Variants in ATG16L2 observed in about 807,000 individuals in gnomAD.
The protein encoded by ATG16L2 is autophagy related 16 like 2.
ATG16L2 carries 77 observed loss-of-function variants against 84.7 expected under a neutral mutation model. The observed-to-expected ratio is 0.91, with a 90% confidence interval of 0.76 to 1.10. The LOEUF (loss-of-function observed/expected upper bound fraction) is 1.10, where lower values mean the gene tolerates loss of function less well. Among genes scored for constraint, ATG16L2 ranks in the 50% least tolerant of loss-of-function variants. The pLI is 0.00. For missense variants in ATG16L2, 782 were observed against 817.6 expected (o/e 0.96, Z 0.53); for synonymous variants, 361 against 342.8 (o/e 1.05, Z -0.59).
At chr11:72,827,604 T>G (rs1189546446) in intron 14 of ATG16L2, among the ~76,000 whole-genome samples, 1 of 152,224 alleles carries the variant, frequency 6.6e-6, no homozygotes, top group Non-Finnish European at 1.5e-5. Flanking sequence ...AGCTGTTTTT[T>G]AAACCAAAGA....
chr11:72,828,448 C>T lies in ATG16L2; in HGVS notation c.1562C>T (p.Ser521Phe), dbSNP rs781655286. 3.7e-6 allele frequency: 6 copies of T among 1,614,078 alleles called. No homozygotes were observed. Among genetic ancestry groups the T allele is most frequent in the South Asian group, 2.2e-5 (2 of 91,090 alleles). Reference sequence around the variant, plus strand: ...GACCAACTGCACCTGCTCAGCTGTTCCCGAGACAACACACTCAAGGTCATC... The same window carrying T: ...GACCAACTGCACCTGCTCAGCTGTTTCCGAGACAACACACTCAAGGTCATC... Reference protein sequence around the residue: ...SHDQLHLLSCSRDNTLKVIDL... With the variant: ...SHDQLHLLSCFRDNTLKVIDL... The change falls in exon 15 of 18, where the codon TCC becomes TTC. Residue 521 changes from serine to phenylalanine, a missense_variant. Physicochemically the swap from Ser to Phe is radical, Grantham distance 155 (BLOSUM62 -2). Coordinates refer to ENST00000321297, the MANE Select transcript of ATG16L2 (RefSeq NM_033388.2).
chr11:72,824,594 A>T, intron 8 of ATG16L2, 140 bp from the exon 9 acceptor site: 1 of 686,448 alleles, frequency 1.5e-6, no homozygotes, highest in Non-Finnish European at 2.6e-6. Flanking sequence ...GGGTTGGGGA[A>T]TGCTCTCGCT....
chr11:72,837,075 G>A (rs1283728347), intron 5 of ATG16L2: 1 of 152,154 alleles, frequency 6.6e-6, no homozygotes, highest in African/African-American at 2.4e-5. Context: ...TGGGTGGCAA[G>A]AACTGCTCTA....
chr11:72,821,814 G>A, intron 4 of ATG16L2, 73 bp downstream of exon 4: 1 of 1,500,378 alleles, frequency 6.7e-7, no homozygotes, highest in Non-Finnish European at 8.9e-7. Context: ...ACGGGAGGCG[G>A]GGGGAATGGC....
chr11:72,829,244 G>A, intron 17 of ATG16L2, 59 bp from the exon 18 acceptor site: 1 of 1,576,016 alleles, frequency 6.3e-7, no homozygotes, highest in Non-Finnish European at 8.7e-7. Context: ...TCGGGGCAGA[G>A]CCAGGTTGCA....
chr11:72,824,223 T>G, intron 8 of ATG16L2, 101 bp downstream of exon 8: 1 of 1,402,382 alleles, frequency 7.1e-7, no homozygotes, highest in Non-Finnish European at 1.0e-6. Flanking sequence ...CCCTGTGATG[T>G]GCAGCTGTCT....
chr11:72,841,410 T>G, intron 5 of ATG16L2: 1 of 1,541,838 alleles, frequency 6.5e-7, no homozygotes, highest in Non-Finnish European at 8.9e-7. Flanking sequence ...TGTAGGTTTC[T>G]GAAGTGAAAA....
intron 3 of ATG16L2, chr11:72,821,316 C>T: frequency 9.4e-7 from 1 of 1,066,936 alleles, no homozygotes; most frequent in Non-Finnish European, 1.1e-6. Context: ...CGCGAGGAGT[C>T]CTCGCAGTGG....
At chr11:72,827,412 T>A in intron 14 of ATG16L2, 119 bp downstream of exon 14, 1 of 809,638 alleles carries the variant, frequency 1.2e-6, no homozygotes, top group Non-Finnish European at 2.0e-6. Context: ...CAGGCAAGGC[T>A]GTGGGGCTGG....
At chr11:72,826,293 A>T in intron 11 of ATG16L2, 50 bp downstream of exon 11, 1 of 1,589,786 alleles carries the variant, frequency 6.3e-7, no homozygotes, top group Non-Finnish European at 8.6e-7. Flanking sequence ...TCTGATCTCC[A>T]CACTGGGCAG....
intron 4 of ATG16L2, 141 bp from the exon 5 acceptor site, chr11:72,821,903 G>A: frequency 7.0e-7 from 1 of 1,421,348 alleles, no homozygotes; most frequent in Admixed American, 2.7e-5. Flanking sequence ...CTCTGAGGGC[G>A]AAGGCTTGGG....
intron 3 of ATG16L2, chr11:72,821,156 G>A (rs1320199995): frequency 1.1e-6 from 1 of 940,126 alleles, no homozygotes; most frequent in African/African-American, 1.8e-5. Context: ...GTGACTTTGG[G>A]CAAGACACTT....
rs777416264 is a variant in ATG16L2, at chr11:72,822,976, G to T, written c.824+15G>T. The T allele has an allele frequency of 1.3e-6, 2 of 1,532,522 alleles. No individual in the cohort carries two copies. The highest frequency in any genetic ancestry group is 2.4e-5 in the East Asian group (1 of 41,510). 94.9% of individuals were successfully genotyped at this position (1,532,522 alleles called of 1,614,324 possible). A position where few individuals can be genotyped will look rare whatever the true frequency, so the allele number is the denominator to read the frequency against. ...AGGCCCTTCAGGTGAGGACCCAGGT[G>T]ACAGTCTCAGAGCTCTGAGCTGAGC... On this transcript the variant is annotated intron_variant, in intron 7 of 17. Transcript: ENST00000321297. The surrounding 1 kb of genome is among the most constrained non-coding windows in gnomAD (Gnocchi z 4.2).
At chr11:72,828,656 C>T in intron 15 of ATG16L2, 73 bp from the exon 16 acceptor site, 1 of 1,601,020 alleles carries the variant, frequency 6.2e-7, no homozygotes, top group Non-Finnish European at 8.5e-7. Context: ...AAAGAGGAAG[C>T]TCTGGAAGCT....
intron 15 of ATG16L2, 48 bp downstream of exon 15, chr11:72,828,556 G>A (rs187294169): frequency 6.0e-5 from 96 of 1,611,840 alleles, no homozygotes; most frequent in Non-Finnish European, 7.6e-5. Flanking sequence ...TGGGACAGCT[G>A]AGCCTCTCTT....
intron 5 of ATG16L2, among the ~76,000 whole-genome samples, chr11:72,835,752 T>TC: frequency 6.6e-6 from 1 of 152,038 alleles, no homozygotes; most frequent in East Asian, 1.9e-4. Flanking sequence ...AACATATTTT[T>TC]TTTTTTTTTT....
downstream of ATG16L2, among the ~76,000 whole-genome samples, chr11:72,831,521 C>T (rs893396812): frequency 1.3e-5 from 2 of 152,186 alleles, no homozygotes; most frequent in African/African-American, 4.8e-5. Context: ...CAACAAAATT[C>T]TCTTATTCAA....
At chr11:72,818,033 A>G (rs1859791561) in intron 3 of ATG16L2, 178 bp downstream of exon 3, 3 of 611,022 alleles carry the variant, frequency 4.9e-6, no homozygotes, top group Non-Finnish European at 8.5e-6. Flanking sequence ...TGCCCTGGGC[A>G]GCCCAGGATG....
chr11:72,824,373 G>A, intron 8 of ATG16L2: 1 of 585,438 alleles, frequency 1.7e-6, no homozygotes, highest in East Asian at 2.9e-5. Flanking sequence ...AAGAGCTCCA[G>A]CCTCAGGCAG....
Sources: gnomAD v4.1 joint callset for allele counts (sites outside exome capture counted in the v4.1 genomes callset) on GRCh38, gnomAD v4.1.1 for gene constraint, Gnocchi (gnomAD v3.1) non-coding constraint, MANE v1.5 for transcripts, NCBI Gene and HGNC (gene_info 2026-07-23, HGNC 2026-07-21) for gene names.